The following FGF12 variants were observed in gnomAD, a reference collection of about 807,000 sequenced individuals.
The protein encoded by FGF12 is fibroblast growth factor 12B.
In FGF12, 14 loss-of-function variants were observed where a neutral mutation model predicts 23.6. That is an observed-to-expected ratio of 0.59 (90% CI 0.39 to 0.93). FGF12 has a LOEUF of 0.93. FGF12 is among the 40% of genes least tolerant of loss of function. The pLI, the probability that FGF12 is intolerant of heterozygous loss-of-function variation, is 0.00. For missense variants in FGF12, 175 were observed against 217.8 expected, an observed-to-expected ratio of 0.80 and a Z score of 1.24; for synonymous variants, 62 against 77.3, an observed-to-expected ratio of 0.80 and a Z score of 1.04.
In FGF12 at chr3:192,272,796, T is replaced by A. The variant is rs1334287879; in HGVS notation, c.228+62565A>T. ...CTGATCATAGCCATTGTAAAAATAT[T>A]CATGGATGTAAGGAAAGATCCTTTC... is the stretch of plus-strand genomic sequence containing the variant. On this transcript the variant is annotated intron_variant, in intron 4 of 5. Coordinates refer to ENST00000445105, the MANE Select transcript of FGF12 (RefSeq NM_004113.6). Among the ~76,000 whole-genome samples the A allele has an allele frequency of 3.3e-5, 5 of 152,262 alleles. No individual in the cohort carries two copies. The East Asian group carries it at 9.7e-4, about 29-fold the overall frequency.
intron 2 of FGF12, among the ~76,000 whole-genome samples, chr3:192,597,114 G>A (rs1395174705): frequency 6.6e-6 from 1 of 152,134 alleles, no homozygotes; most frequent in African/African-American, 2.4e-5. Context: ...TACATACAGA[G>A]TACCTAGTCC....
intron 5 of FGF12, among the ~76,000 whole-genome samples, chr3:192,146,182 T>C (rs1713694320): frequency 6.6e-6 from 1 of 152,156 alleles, no homozygotes; most frequent in Non-Finnish European, 1.5e-5. Context: ...AATCTCCTTT[T>C]TCAAAAATAA....
chr3:192,692,340 G>A (rs1402119257), intron 2 of FGF12, among the ~76,000 whole-genome samples: 1 of 152,104 alleles, frequency 6.6e-6, no homozygotes, highest in Non-Finnish European at 1.5e-5. Context: ...TTATCCCTGG[G>A]GAGCAAGGTT....
At chr3:192,313,015 C>A (rs892663062) in intron 4 of FGF12, among the ~76,000 whole-genome samples, 1 of 152,064 alleles carries the variant, frequency 6.6e-6, no homozygotes, top group African/African-American at 2.4e-5. Context: ...ATTTTCTCTC[C>A]TTTTCATCCT....
chr3:192,511,222 T>TACACACACACACAC (rs5855433), intron 2 of FGF12, among the ~76,000 whole-genome samples: 36 of 149,562 alleles, frequency 2.4e-4, no homozygotes, highest in African/African-American at 8.1e-4. Flanking sequence ...CAATTGTGTG[T>TACACACACACACAC]ACACACACAC....
rs577760218 is a variant in FGF12, at chr3:192,247,378, G to A, written c.229-76722C>T. ...ACCTGGCTAAAAAAACATTCATTCA[G>A]TTTCTACTAGCTTAAAGGTCACTGT... On this transcript the variant is annotated intron_variant, in intron 4 of 5. Transcript: ENST00000445105. Among the ~76,000 whole-genome samples, 29 of 152,202 alleles carry A rather than the reference G, an allele frequency of 1.9e-4. No individual in the cohort carries two copies. The Middle Eastern group carries it at 0.014, about 71-fold the overall frequency.
At chr3:192,227,018 G>A (rs1027336739) in intron 4 of FGF12, among the ~76,000 whole-genome samples, 5 of 152,140 alleles carry the variant, frequency 3.3e-5, no homozygotes, top group Non-Finnish European at 5.9e-5. Context: ...GGCCGTCCAA[G>A]AACCAGGAAG....
intron 4 of FGF12, among the ~76,000 whole-genome samples, chr3:192,217,395 C>T (rs1057507132): frequency 1.3e-4 from 20 of 152,100 alleles, no homozygotes; most frequent in African/African-American, 4.8e-4. Flanking sequence ...TTGTACCAGC[C>T]GGTAACCAAA....
chr3:192,665,573 A>T (rs1265227057), intron 2 of FGF12, among the ~76,000 whole-genome samples: 2 of 105,096 alleles, frequency 1.9e-5, no homozygotes, highest in Non-Finnish European at 1.8e-5. Context: ...ACAGGGACAC[A>T]GGGAGGGGAA....
chr3:192,721,503 G>A (rs1719038401), intron 2 of FGF12, among the ~76,000 whole-genome samples: 1 of 152,074 alleles, frequency 6.6e-6, no homozygotes, highest in South Asian at 2.1e-4. Context: ...AGTGTTTCAC[G>A]AACGTTATTT....
chr3:192,154,668 C>A (rs577715543), intron 5 of FGF12, among the ~76,000 whole-genome samples: 7 of 143,132 alleles, frequency 4.9e-5, no homozygotes, highest in African/African-American at 1.0e-4. Flanking sequence ...GTAGTCTGCC[C>A]GTTCTCAGAT....
chr3:192,432,620 C>CAAAAAAAAAAAAAAAAAAAAA (rs201364119), intron 2 of FGF12, among the ~76,000 whole-genome samples: 3 of 106,714 alleles, frequency 2.8e-5, no homozygotes, highest in African/African-American at 7.3e-5. Flanking sequence ...TGACATCTGG[C>CAAAAAAAAAAAAAAAAAAAAA]AAAAAAAAAA....
At chr3:192,725,555 C>A (rs1452842224) in intron 2 of FGF12, among the ~76,000 whole-genome samples, 1 of 152,094 alleles carries the variant, frequency 6.6e-6, no homozygotes, top group African/African-American at 2.4e-5. Context: ...TGACACGTAG[C>A]ATGTTTTATG....
intron 4 of FGF12, among the ~76,000 whole-genome samples, chr3:192,286,196 A>T (rs1714436744): frequency 1.3e-5 from 2 of 151,990 alleles, no homozygotes; most frequent in Admixed American, 6.6e-5. Flanking sequence ...ATTGTATATC[A>T]TCGGATTTCT....
chr3:192,533,794 A>G (rs1577040472), intron 2 of FGF12, among the ~76,000 whole-genome samples: 1 of 152,340 alleles, frequency 6.6e-6, no homozygotes, highest in Non-Finnish European at 1.5e-5. Flanking sequence ...CATAGGCTAG[A>G]AAGTCCATAG....
intron 4 of FGF12, among the ~76,000 whole-genome samples, chr3:192,249,345 C>G (rs1289930065): frequency 6.6e-6 from 1 of 152,072 alleles, no homozygotes; most frequent in Non-Finnish European, 1.5e-5. Context: ...ACTCGATAAA[C>G]GTGTGTAAAA....
intron 4 of FGF12, among the ~76,000 whole-genome samples, chr3:192,206,974 A>C (rs185397405): frequency 5.9e-5 from 9 of 152,216 alleles, no homozygotes; most frequent in African/African-American, 2.2e-4. Context: ...ATAATTTCAC[A>C]CATTTTTTCA....
chr3:192,667,118 A>G (rs1716913216), intron 2 of FGF12, among the ~76,000 whole-genome samples: 1 of 152,190 alleles, frequency 6.6e-6, no homozygotes, highest in Non-Finnish European at 1.5e-5. Context: ...TGTATAATGC[A>G]CTCTGCTAAG....
At chr3:192,470,738 C>T (rs1053520095) in intron 2 of FGF12, among the ~76,000 whole-genome samples, 5 of 152,124 alleles carry the variant, frequency 3.3e-5, no homozygotes, top group South Asian at 2.1e-4. Context: ...TATCAGGGTA[C>T]GTCAGTTATT....
Sources: gnomAD v4.1 joint callset for allele counts (sites outside exome capture counted in the v4.1 genomes callset) on GRCh38, gnomAD v4.1.1 for gene constraint, MANE v1.5 for transcripts, NCBI Gene and HGNC (gene_info 2026-07-23, HGNC 2026-07-21) for gene names.